Variants in OCLN observed in about 807,000 individuals in gnomAD.
OCLN encodes the protein occludin.
OCLN carries 21 observed loss-of-function variants against 47.9 expected under a neutral mutation model. The ratio of observed to expected loss-of-function variants is 0.44; its 90% CI spans 0.31 to 0.63. OCLN has a LOEUF of 0.63. OCLN is among the 30% of genes least tolerant of loss of function. The pLI is 0.08. For missense variants in OCLN, 360 were observed against 571.0 expected (o/e 0.63, Z 3.77); for synonymous variants, 117 against 198.4 (o/e 0.59, Z 3.45).
chr5:69,517,488 T>G (rs1476477543), intron 4 of OCLN, among the ~76,000 whole-genome samples: 1 of 151,902 alleles, frequency 6.6e-6, no homozygotes, highest in Non-Finnish European at 1.5e-5. Context: ...TTTTTTTGTA[T>G]TTTTAGGAGA....
chr5:69,496,193 G>C (rs957625424), intron 1 of OCLN, among the ~76,000 whole-genome samples: 20 of 151,950 alleles, frequency 1.3e-4, no homozygotes, highest in African/African-American at 4.8e-4. Context: ...CCGCCTCCCG[G>C]GTTCACACCA....
chr5:69,529,206 T>G (rs567544348), intron 4 of OCLN, among the ~76,000 whole-genome samples: 2 of 152,230 alleles, frequency 1.3e-5, no homozygotes, highest in Admixed American at 1.3e-4. Context: ...ACGGTAGGTA[T>G]TTGGAGAAGA....
At chr5:69,496,910 C>G (rs573508035) in intron 1 of OCLN, among the ~76,000 whole-genome samples, 38 of 152,304 alleles carry the variant, frequency 2.5e-4, no homozygotes, top group Non-Finnish European at 4.9e-4. Context: ...TTGTCACTCT[C>G]CTGACATAAG....
At chr5:69,525,161 G>A (rs1027156448) in intron 4 of OCLN, among the ~76,000 whole-genome samples, 1 of 151,644 alleles carries the variant, frequency 6.6e-6, no homozygotes, top group Non-Finnish European at 1.5e-5. Flanking sequence ...CTGGAGTGCA[G>A]TGGTGCGATC....
rs946063728 is a variant in OCLN, at chr5:69,493,396, C to T, written c.-69+496C>T. On this transcript the variant is annotated intron_variant, in intron 1 of 8. Transcript: ENST00000396442. The surrounding 1 kb of genome is among the most constrained non-coding windows in gnomAD (Gnocchi z 5.3). ...CGGGGGGAATTTCATTCCTTCCGCT[C>T]CCACCCCACCCCTTTGGATATCCCG... 6.6e-6 allele frequency among the ~76,000 whole-genome samples: 1 copy of T among 152,040 alleles called. No individual in the cohort carries two copies. Among genetic ancestry groups the T allele is most frequent in the African/African-American group, 2.4e-5 (1 of 41,414 alleles).
chr5:69,498,322 C>T lies in OCLN; in HGVS notation c.-69+5422C>T, dbSNP rs1047986086. On this transcript the variant is annotated intron_variant, in intron 1 of 8. Transcript: ENST00000396442. ...CAGCTTGGTTAACATGGTGAAACCC[C>T]GTTTCTACTAAAAATGCAAAAATTA... Among the ~76,000 whole-genome samples the T allele has an allele frequency of 3.9e-5, 6 of 152,116 alleles. No individual in the cohort carries two copies. In the South Asian group the frequency reaches 1.0e-3, roughly 26 times the overall value.
At chr5:69,527,524 T>C (rs1561346867) in intron 4 of OCLN, among the ~76,000 whole-genome samples, 1 of 152,238 alleles carries the variant, frequency 6.6e-6, no homozygotes, top group East Asian at 1.9e-4. Context: ...GGGTACATAG[T>C]AGGCTTACGC....
chr5:69,506,165 C>T (rs1191905039), intron 2 of OCLN, among the ~76,000 whole-genome samples: 3 of 152,266 alleles, frequency 2.0e-5, no homozygotes, highest in South Asian at 2.1e-4. Flanking sequence ...ATTACAAAAG[C>T]CAGGTGTGGT....
chr5:69,529,220 C>T (rs1769364311), intron 4 of OCLN, among the ~76,000 whole-genome samples: 1 of 152,126 alleles, frequency 6.6e-6, no homozygotes, highest in Non-Finnish European at 1.5e-5. Flanking sequence ...GAGAAGAGCA[C>T]CTGAGCTGCT....
At chr5:69,519,018 G>T (rs531400444) in intron 4 of OCLN, among the ~76,000 whole-genome samples, 15 of 152,258 alleles carry the variant, frequency 9.9e-5, no homozygotes, top group African/African-American at 3.6e-4. Context: ...GGTGCCTGTA[G>T]TCCCAGCTGC....
chr5:69,548,610 G>A (rs868101749), intron 7 of OCLN, among the ~76,000 whole-genome samples: 31 of 142,860 alleles, frequency 2.2e-4, no homozygotes, highest in South Asian at 7.8e-4. Context: ...GTGAGCCACC[G>A]CGCCCAGCCC....
chr5:69,549,902 T>A (rs1010522128), intron 7 of OCLN, among the ~76,000 whole-genome samples: 5 of 151,138 alleles, frequency 3.3e-5, no homozygotes, highest in African/African-American at 1.2e-4. Flanking sequence ...ACTCTTATTG[T>A]GGGGTTTTAT....
Position 69,509,490 on chromosome 5 carries a change from C to G in OCLN, c.400C>G (p.Pro134Ala), listed in dbSNP as rs554315084. Residue 134 changes from proline to alanine, a missense_variant, in exon 3 of 9, where the codon CCA becomes GCA. Pro to Ala is a conservative substitution (Grantham distance 27). This residue lies in a region of OCLN where 314 missense variants were observed against 368.1 expected (regional missense o/e 0.85). Transcript: ENST00000396442. Reference sequence around the variant, plus strand: ...CTATGGCTACGGAGGCTATACAGACCCAAGAGCAGCAAAGGGCTTCATGTT... The same window carrying G: ...CTATGGCTACGGAGGCTATACAGACGCAAGAGCAGCAAAGGGCTTCATGTT... ...YGYGYGGYTD[P>A]RAAKGFMLAM... is the part of the protein sequence containing the mutation. 6.2e-6 allele frequency: 10 copies of G among 1,614,134 alleles called. No homozygotes were observed. Among genetic ancestry groups the G allele is most frequent in the Non-Finnish European group, 8.5e-6 (10 of 1,180,016 alleles).
intron 2 of OCLN, among the ~76,000 whole-genome samples, chr5:69,508,120 C>G (rs1338266632): frequency 1.3e-5 from 2 of 152,182 alleles, no homozygotes; most frequent in African/African-American, 4.8e-5. Context: ...ACTGCAACCT[C>G]TGCCTCCTGG....
At chr5:69,521,147 A>C (rs998530024) in intron 4 of OCLN, among the ~76,000 whole-genome samples, 3 of 152,200 alleles carry the variant, frequency 2.0e-5, no homozygotes, top group Non-Finnish European at 4.4e-5. Flanking sequence ...AATTTATTTT[A>C]AACCCAAAAA....
At chr5:69,522,537 G>A (rs987994859) in intron 4 of OCLN, among the ~76,000 whole-genome samples, 1 of 152,054 alleles carries the variant, frequency 6.6e-6, no homozygotes, top group African/African-American at 2.4e-5. Context: ...AGCAAACTTA[G>A]AAGTGTCGTG....
Position 69,504,255 on chromosome 5 carries a change from G to A in OCLN, c.11G>A (p.Arg4Lys). Residue 4 changes from arginine to lysine, a missense_variant, in exon 2 of 9, where the codon AGG becomes AAG. By Grantham distance (26) the Arg-to-Lys change is conservative (BLOSUM62 2). Around this residue, in one of 3 missense-constraint regions of OCLN, gnomAD observed 314 missense variants for 368.1 expected, o/e 0.85. Transcript: ENST00000396442. ...CATTGACAATCAGCCATGTCATCCA[G>A]GCCTCTTGAAAGTCCACCTCCTTAC... Reference protein sequence around the residue: MSSRPLESPPPYRP... With the variant: MSSKPLESPPPYRP... The A allele has an allele frequency of 6.2e-7, 1 of 1,609,600 alleles. No individual in the cohort carries two copies. The highest frequency in any genetic ancestry group is 8.5e-7 in the Non-Finnish European group (1 of 1,175,928).
chr5:69,526,046 A>G (rs1329665908), intron 4 of OCLN, among the ~76,000 whole-genome samples: 1 of 152,138 alleles, frequency 6.6e-6, no homozygotes, highest in Non-Finnish European at 1.5e-5. Context: ...GGTCTTTACG[A>G]GGTACAGTGG....
At chr5:69,520,622 T>C (rs1769109989) in intron 4 of OCLN, among the ~76,000 whole-genome samples, 1 of 152,044 alleles carries the variant, frequency 6.6e-6, no homozygotes, top group African/African-American at 2.4e-5. Flanking sequence ...TCTTTTTCCT[T>C]TCCTATTTCT....
Sources: allele counts gnomAD v4.1 joint callset (sites outside exome capture counted in the v4.1 genomes callset), GRCh38; gene constraint gnomAD v4.1.1; regional missense constraint gnomAD v4.1.1; non-coding constraint Gnocchi (gnomAD v3.1); transcripts MANE v1.5; gene names NCBI Gene and HGNC (gene_info 2026-07-23, HGNC 2026-07-21).